Variants in APC observed in about 807,000 individuals in gnomAD.
APC encodes the protein APC regulator of Wnt signaling pathway, also known as adenomatous polyposis coli protein.
Under a neutral mutation model 247.0 loss-of-function variants are expected in APC, and 72 were observed. That is an observed-to-expected ratio of 0.29 (90% CI 0.24 to 0.35). The LOEUF (loss-of-function observed/expected upper bound fraction) is 0.35. APC is among the 10% of genes least tolerant of loss of function. The pLI, the probability that APC is intolerant of heterozygous loss-of-function variation, is 1.00. For synonymous variants in APC, 1,254 were observed against 1,162.5 expected (o/e 1.08, Z -1.60); for missense variants, 3,400 against 3,360.7 (o/e 1.01, Z -0.29).
At chr5:112,829,504 G>C (rs1011380732) in intron 14 of APC, 1 of 160,010 alleles carries the variant, frequency 6.2e-6, no homozygotes, top group South Asian at 1.8e-4. Context: ...AACTCCTAAA[G>C]TACTAAGGTA....
At chr5:112,836,165 TCCCCCCCCC>T (rs59050067) in intron 15 of APC, among the ~76,000 whole-genome samples, 3 of 24,478 alleles carry the variant, frequency 1.2e-4, no homozygotes, top group African/African-American at 2.1e-4. Flanking sequence ...GGATTACAGG[TCCCCCCCCC>T]CCCCCGCCAC....
At chr5:112,812,718 G>A (rs1222612102) in intron 8 of APC, among the ~76,000 whole-genome samples, 1 of 152,150 alleles carries the variant, frequency 6.6e-6, no homozygotes, top group Non-Finnish European at 1.5e-5. Flanking sequence ...GTATTTTCAT[G>A]TTCAGCTCCT....
intron 8 of APC, among the ~76,000 whole-genome samples, chr5:112,808,132 G>T (rs1217332726): frequency 6.6e-6 from 1 of 152,100 alleles, no homozygotes; most frequent in Non-Finnish European, 1.5e-5. Context: ...TCCACCCTGG[G>T]CAAGAGAGCG....
intron 6 of APC, among the ~76,000 whole-genome samples, chr5:112,787,048 T>G (rs1759040427): frequency 2.0e-5 from 3 of 152,056 alleles, no homozygotes; most frequent in Non-Finnish European, 4.4e-5. Flanking sequence ...CCACCACGCC[T>G]GGCTAATTTT....
intron 6 of APC, 27 bp downstream of exon 6, chr5:112,780,930 A>T (rs776888659): frequency 2.8e-6 from 4 of 1,414,770 alleles, no homozygotes; most frequent in Non-Finnish European, 4.0e-6. Context: ...TAAGTGATAA[A>T]ACAGCGAAGA....
intron 1 of APC, among the ~76,000 whole-genome samples, chr5:112,715,565 A>G (rs1466074625): frequency 6.6e-6 from 1 of 152,206 alleles, no homozygotes; most frequent in East Asian, 1.9e-4. Context: ...GAGTTTGTGT[A>G]TAGTTGGAAT....
At position 112,845,253 on chromosome 5, in the gene APC, C is replaced by A. The variant is rs1035147052; in HGVS notation, c.*1127C>A. ...TTTCCACTTAAACTTTTTTTTCTTACTCCACTGGAGCTCAGTAAAAGTAAA... is the reference window on the plus strand; with the variant it reads ...TTTCCACTTAAACTTTTTTTTCTTAATCCACTGGAGCTCAGTAAAAGTAAA... On this transcript the variant is annotated 3_prime_UTR_variant, in exon 16 of 16. Coordinates refer to ENST00000257430, the MANE Select transcript of APC (RefSeq NM_000038.6). 19 of 232,216 alleles carry A rather than the reference C, an allele frequency of 8.2e-5. No homozygotes were observed. The highest frequency in any genetic ancestry group is 4.0e-4 in the African/African-American group (18 of 45,214). 14.4% of individuals were successfully genotyped at this position (232,216 alleles called of 1,614,324 possible).
intron 1 of APC, among the ~76,000 whole-genome samples, chr5:112,722,884 A>G (rs546963645): frequency 4.6e-5 from 7 of 152,212 alleles, no homozygotes; most frequent in Non-Finnish European, 1.0e-4. Context: ...GCCTCATTGC[A>G]TAGGTATGAT....
At chr5:112,806,595 G>T (rs1037768140) in intron 8 of APC, among the ~76,000 whole-genome samples, 4 of 130,178 alleles carry the variant, frequency 3.1e-5, no homozygotes, top group African/African-American at 9.9e-5. Flanking sequence ...TTTATTTATT[G>T]AGATAGGGTC....
chr5:112,759,505 G>C (rs1755413791), intron 2 of APC, among the ~76,000 whole-genome samples: 1 of 151,588 alleles, frequency 6.6e-6, no homozygotes, highest in Non-Finnish European at 1.5e-5. Context: ...CTACAGGCGT[G>C]CACCACCACG....
chr5:112,717,680 A>G (rs1751247830), intron 1 of APC, among the ~76,000 whole-genome samples: 1 of 151,838 alleles, frequency 6.6e-6, no homozygotes, highest in Non-Finnish European at 1.5e-5. Flanking sequence ...TGAGATTTTT[A>G]TCTTTGGCTT....
At chr5:112,774,144 C>T (rs889762833) in intron 4 of APC, among the ~76,000 whole-genome samples, 2 of 152,016 alleles carry the variant, frequency 1.3e-5, no homozygotes, top group Non-Finnish European at 2.9e-5. Context: ...CCTTAAGTAC[C>T]CTCCAACTAA....
At chr5:112,810,026 C>A in intron 8 of APC, 1 of 377,074 alleles carries the variant, frequency 2.7e-6, no homozygotes. Context: ...GCAATTTTAG[C>A]TAACTGTAAA....
intron 2 of APC, among the ~76,000 whole-genome samples, chr5:112,755,957 A>AG (rs1170858152): frequency 6.6e-6 from 1 of 152,060 alleles, no homozygotes; most frequent in East Asian, 1.9e-4. Flanking sequence ...AAAAAAAAAA[A>AG]AATTACTTCC....
At chr5:112,799,183 C>CAAA (rs754181440) in intron 7 of APC, among the ~76,000 whole-genome samples, 68 of 79,580 alleles carry the variant, frequency 8.5e-4, no homozygotes, top group African/African-American at 1.6e-3. Context: ...GACTCTGTCT[C>CAAA]AAAAAAAAAA....
At chr5:112,710,519 C>G (rs982608186) in intron 1 of APC, among the ~76,000 whole-genome samples, 1 of 152,152 alleles carries the variant, frequency 6.6e-6, no homozygotes, top group Non-Finnish European at 1.5e-5. Flanking sequence ...TCCATTTTCA[C>G]TTCCTGTCCA....
rs73791482 is a variant in APC at position 112,794,580 on chromosome 5, C to T, written c.729+2051C>T. On this transcript the variant is annotated intron_variant, in intron 7 of 15. Coordinates refer to ENST00000257430, the MANE Select transcript of APC (RefSeq NM_000038.6). Reference sequence around the variant, plus strand: ...ACAAGTTTTGGGTGTCCCTAAGCCACCAGGACTGCTGCCAAGCTGTCTATA... The same window carrying T: ...ACAAGTTTTGGGTGTCCCTAAGCCATCAGGACTGCTGCCAAGCTGTCTATA... Among the ~76,000 whole-genome samples, 1,015 of 152,258 alleles carry T rather than the reference C, an allele frequency of 6.7e-3. 16 individuals are homozygous for T. Among genetic ancestry groups the T allele is most frequent in the African/African-American group, 0.023 (964 of 41,530 alleles).
intron 3 of APC, among the ~76,000 whole-genome samples, chr5:112,766,946 A>G (rs1420592087): frequency 1.3e-5 from 2 of 152,232 alleles, no homozygotes; most frequent in African/African-American, 4.8e-5. Flanking sequence ...GGATTCTAAA[A>G]TATTATTTAG....
chr5:112,748,136 G>C (rs1012947938), intron 1 of APC, among the ~76,000 whole-genome samples: 3 of 152,154 alleles, frequency 2.0e-5, no homozygotes. Flanking sequence ...TGGGCATCTT[G>C]AGACCTGCCC....
Sources: gnomAD v4.1 joint callset for allele counts (sites outside exome capture counted in the v4.1 genomes callset) on GRCh38, gnomAD v4.1.1 for gene constraint, MANE v1.5 for transcripts, NCBI Gene and HGNC (gene_info 2026-07-23, HGNC 2026-07-21) for gene names.